ZFR2: variants seen among roughly 807,000 people sequenced by gnomAD.
ZFR2 encodes zinc finger RNA binding protein 2, also known as zinc finger RNA-binding protein 2.
ZFR2 carries 104 observed loss-of-function variants against 105.7 expected under a neutral mutation model. The observed-to-expected ratio is 0.98, with a 90% CI of 0.84 to 1.16. The LOEUF (loss-of-function observed/expected upper bound fraction) is 1.16, where lower values mean the gene tolerates loss of function less well. Ranked by LOEUF, ZFR2 falls within the 50% of genes most tolerant of loss-of-function variation. The pLI, the probability that ZFR2 is intolerant of heterozygous loss-of-function variation, is 0.00. For synonymous variants in ZFR2, 634 were observed against 597.7 expected, an observed-to-expected ratio of 1.06 and a Z score of -0.89; for missense variants, 1,425 against 1,355.5, an observed-to-expected ratio of 1.05 and a Z score of -0.80.
intron 16 of ZFR2, among the ~76,000 whole-genome samples, chr19:3,809,786 A>C (rs990766907): frequency 6.6e-6 from 1 of 151,972 alleles, no homozygotes; most frequent in Non-Finnish European, 1.5e-5. Context: ...TCTACTAAAA[A>C]TACAAAAATT....
At chr19:3,835,938 G>T (rs2038073504) in intron 1 of ZFR2, among the ~76,000 whole-genome samples, 1 of 151,972 alleles carries the variant, frequency 6.6e-6, no homozygotes, top group Non-Finnish European at 1.5e-5. Context: ...GAGCAACAGA[G>T]TAAGACTCTG....
chr19:3,811,945 A>ATTTG (rs1400990112), intron 14 of ZFR2, among the ~76,000 whole-genome samples: 9 of 146,226 alleles, frequency 6.2e-5, no homozygotes, highest in South Asian at 2.2e-4. Context: ...TTATTTATTT[A>ATTTG]TTTGTTTGTT....
Position 3,811,340 on chromosome 19 carries a change from C to T in ZFR2, c.2269G>A (p.Gly757Ser), listed in dbSNP as rs199886455. The T allele has an allele frequency of 1.2e-5, 20 of 1,601,152 alleles. No homozygotes were observed. Among genetic ancestry groups the T allele is most frequent in the Non-Finnish European group, 1.7e-5 (20 of 1,174,742 alleles). Residue 757 changes from glycine to serine, a missense_variant, in exon 15 of 19, where the codon GGT becomes AGT. Physicochemically the swap from Gly to Ser is moderately conservative, Grantham distance 56 (BLOSUM62 0). Coordinates refer to ENST00000262961, the MANE Select transcript of ZFR2 (RefSeq NM_015174.2). ...PGVEEPQADA[G>S]DVLSPKKCLE... ...CACTTCTTGGGGCTCAGGACATCAC[C>T]TGCATCAGCCTGAGGCTCCTCCACA...
intron 1 of ZFR2, among the ~76,000 whole-genome samples, chr19:3,866,150 G>A (rs115637692): frequency 0.02 from 3,055 of 152,170 alleles, 102 homozygotes; most frequent in African/African-American, 0.069. Flanking sequence ...CAAAACATAC[G>A]TACTTTAAAA....
chr19:3,868,961 T>A lies in ZFR2; in HGVS notation c.53+4A>T. ...GGCGGGGGCTGGCGCGGCGGGGCAGTTACCTGTACTGCGGGCCGCCGCCCT... is the reference window on the plus strand; with the variant it reads ...GGCGGGGGCTGGCGCGGCGGGGCAGATACCTGTACTGCGGGCCGCCGCCCT... On this transcript the variant is annotated splice_donor_region_variant and intron_variant, in intron 1 of 18. Coordinates refer to ENST00000262961, the MANE Select transcript of ZFR2 (RefSeq NM_015174.2). The A allele has an allele frequency of 7.6e-7, 1 of 1,314,030 alleles. No individual in the cohort carries two copies. Among genetic ancestry groups the A allele is most frequent in the South Asian group, 2.4e-5 (1 of 42,544 alleles). The allele number at this position is 1,314,030 out of a possible 1,614,324, so 81.4% of individuals were successfully genotyped here.
chr19:3,822,390 G>A (rs1315764210), intron 8 of ZFR2, among the ~76,000 whole-genome samples, 190 bp from the exon 9 acceptor site: 1 of 151,570 alleles, frequency 6.6e-6, no homozygotes, highest in Non-Finnish European at 1.5e-5. Context: ...TTGGCTCACT[G>A]CAGCCTCAAA....
chr19:3,806,287 C>T (rs1458733719), intron 18 of ZFR2, among the ~76,000 whole-genome samples, 162 bp from the exon 19 acceptor site: 14 of 152,148 alleles, frequency 9.2e-5, no homozygotes, highest in Admixed American at 9.2e-4. Flanking sequence ...TTTTGAGACA[C>T]AGTCTCGCTC....
intron 13 of ZFR2, among the ~76,000 whole-genome samples, chr19:3,815,736 G>A (rs926158818): frequency 6.0e-5 from 9 of 150,264 alleles, no homozygotes; most frequent in Admixed American, 1.3e-4. Flanking sequence ...GGTACATGCC[G>A]CCATGCTCAG....
At chr19:3,862,350 T>G (rs2038383077) in intron 1 of ZFR2, among the ~76,000 whole-genome samples, 1 of 152,150 alleles carries the variant, frequency 6.6e-6, no homozygotes, top group Non-Finnish European at 1.5e-5. Context: ...CAGGCTGGAG[T>G]GCAATGGCGC....
At chr19:3,850,185 A>T (rs1340443291) in intron 1 of ZFR2, among the ~76,000 whole-genome samples, 1 of 151,886 alleles carries the variant, frequency 6.6e-6, no homozygotes, top group East Asian at 1.9e-4. Flanking sequence ...TGCTCTGAAG[A>T]CCCAGGAGGC....
Position 3,805,347 on chromosome 19 carries a change from T to G in ZFR2, c.*602A>C, listed in dbSNP as rs1156387385. On this transcript the variant is annotated 3_prime_UTR_variant, in exon 19 of 19. Transcript: ENST00000262961. The stretch of plus-strand genomic sequence containing the variant: ...TGGATGGTGTCATTTCTGTAACAAT[T>G]TAAGCACAAATGTTAAAAAACATTT... 1 of 152,120 alleles carries G rather than the reference T, an allele frequency of 6.6e-6. No homozygotes were observed. Among genetic ancestry groups the G allele is most frequent in the Non-Finnish European group, 1.5e-5 (1 of 68,068 alleles). 9.4% of individuals were successfully genotyped at this position (152,120 alleles called of 1,614,324 possible). A position where few individuals can be genotyped will look rare whatever the true frequency, so the allele number is the denominator to read the frequency against.
At chr19:3,847,282 G>A (rs751532528) in intron 1 of ZFR2, among the ~76,000 whole-genome samples, 8 of 152,158 alleles carry the variant, frequency 5.3e-5, no homozygotes, top group Admixed American at 3.3e-4. Context: ...CCAACTACTC[G>A]GGAGGCAGAG....
rs114971363 is a variant in ZFR2 at position 3,835,669 on chromosome 19, G to T, written c.54-686C>A. On this transcript the variant is annotated intron_variant, in intron 1 of 18. Transcript: ENST00000262961. ...CTTTAACAGCACAGTGTCTGGCCGGGTGTGGTAGCTCATGCCTGTAATCCC... is the reference window on the plus strand; with the variant it reads ...CTTTAACAGCACAGTGTCTGGCCGGTTGTGGTAGCTCATGCCTGTAATCCC... Among the ~76,000 whole-genome samples the T allele has an allele frequency of 6.9e-3, 1,042 of 151,456 alleles. 12 individuals are homozygous for T. The highest frequency in any genetic ancestry group is 0.023 in the African/African-American group (965 of 41,402).
At position 3,822,112 on chromosome 19, in the gene ZFR2, A is replaced by C; in HGVS notation, c.1460T>G (p.Val487Gly). Residue 487 changes from valine to glycine, a missense_variant, in exon 9 of 19, where the codon GTG (valine) becomes GGG (glycine). By Grantham distance (109) the Val-to-Gly change is moderately radical. Transcript: ENST00000262961. ...FNDLNAKDLH[V>G]RGRRHRLQYR... ...CTGCAGCCGGTGCCGCCGCCCCCTCACGTGCAGGTCCTTCGCGTTAAGGTC... is the reference window on the plus strand; with the variant it reads ...CTGCAGCCGGTGCCGCCGCCCCCTCCCGTGCAGGTCCTTCGCGTTAAGGTC... 1 of 1,609,246 alleles carries C rather than the reference A, an allele frequency of 6.2e-7. No homozygotes were observed. Among genetic ancestry groups the C allele is most frequent in the Non-Finnish European group, 8.5e-7 (1 of 1,178,250 alleles).
At chr19:3,832,326 TA>T (rs891107162) in intron 3 of ZFR2, among the ~76,000 whole-genome samples, 5 of 151,380 alleles carry the variant, frequency 3.3e-5, no homozygotes, top group African/African-American at 9.7e-5. Flanking sequence ...TCATTATTAT[TA>T]TTTTTTTTTT....
Position 3,813,904 on chromosome 19 carries a change from T to C in ZFR2, c.2158A>G (p.Ile720Val). The C allele has an allele frequency of 1.2e-6, 2 of 1,613,946 alleles. No homozygotes were observed. The highest frequency in any genetic ancestry group is 1.7e-6 in the Non-Finnish European group (2 of 1,179,868). ...VSSDPEANIVISSCEEPRMQV... is the reference protein window; with the variant it reads ...VSSDPEANIVVSSCEEPRMQV... Reference sequence around the variant, plus strand: ...ATCCTGGGCTCCTCACAGGAGGAGATGACAATGTTGGCTTCAGGGTCGGAG... The same window carrying C: ...ATCCTGGGCTCCTCACAGGAGGAGACGACAATGTTGGCTTCAGGGTCGGAG... The change falls in exon 14 of 19, where the codon ATC becomes GTC. Residue 720 changes from isoleucine (I) to valine (V), a missense_variant. Physicochemically the swap from Ile to Val is conservative, Grantham distance 29. Transcript: ENST00000262961. This position sits in a 1 kb window ranked among gnomAD's most constrained non-coding sequence, Gnocchi z 4.4.
intron 1 of ZFR2, among the ~76,000 whole-genome samples, chr19:3,867,983 T>C (rs1287299582): frequency 1.3e-5 from 2 of 151,018 alleles, no homozygotes; most frequent in African/African-American, 4.9e-5. Context: ...CACACTCGAA[T>C]GTTGCTGCCC....
At chr19:3,857,347 G>A (rs530769511) in intron 1 of ZFR2, among the ~76,000 whole-genome samples, 12 of 152,124 alleles carry the variant, frequency 7.9e-5, no homozygotes, top group East Asian at 5.8e-4. Context: ...CCTGCAGGCT[G>A]TCAATTTTCA....
Position 3,805,870 on chromosome 19 carries a change from A to C in ZFR2, c.*79T>G. 1.4e-6 allele frequency: 2 copies of C among 1,391,942 alleles called. No homozygotes were observed. The highest frequency in any genetic ancestry group is 1.9e-6 in the Non-Finnish European group (2 of 1,064,338). 86.2% of individuals were successfully genotyped at this position (1,391,942 alleles called of 1,614,324 possible). A position where few individuals can be genotyped will look rare whatever the true frequency, so the allele number is the denominator to read the frequency against. On this transcript the variant is annotated 3_prime_UTR_variant, in exon 19 of 19. Transcript: ENST00000262961. ...AAATGACCATTGTCCAACGTCGGGG[A>C]TGAAGCAGCCATTGGTCGGCGCGCA...
Sources: gnomAD v4.1 joint callset for allele counts (sites outside exome capture counted in the v4.1 genomes callset) on GRCh38, gnomAD v4.1.1 for gene constraint, Gnocchi (gnomAD v3.1) non-coding constraint, MANE v1.5 for transcripts, NCBI Gene and HGNC (gene_info 2026-07-23, HGNC 2026-07-21) for gene names.